The following SHC3 variants were observed in gnomAD, a reference collection of about 807,000 sequenced individuals.
SHC3 encodes the protein SHC adaptor protein 3, also known as SHC-transforming protein 3.
SHC3 carries 15 observed loss-of-function variants against 60.4 expected under a neutral mutation model. That is an observed-to-expected ratio of 0.25 (90% confidence interval 0.17 to 0.38). The LOEUF (loss-of-function observed/expected upper bound fraction) is 0.38. Among genes scored for constraint, SHC3 ranks in the 10% least tolerant of loss-of-function variants. The pLI is 1.00. For missense variants in SHC3, 677 were observed against 786.1 expected, an observed-to-expected ratio of 0.86 and a Z score of 1.66; for synonymous variants, 294 against 325.9, an observed-to-expected ratio of 0.90 and a Z score of 1.05.
intron 1 of SHC3, among the ~76,000 whole-genome samples, chr9:89,123,991 A>G (rs1017253404): frequency 6.6e-6 from 1 of 152,212 alleles, no homozygotes. Context: ...ACTTTAAAAT[A>G]TTTAAGCAAT....
At chr9:89,104,225 T>C (rs912070617) in intron 2 of SHC3, among the ~76,000 whole-genome samples, 4 of 152,106 alleles carry the variant, frequency 2.6e-5, no homozygotes, top group Non-Finnish European at 4.4e-5. Context: ...AGATGGTAGC[T>C]GCAAATGGTT....
intron 11 of SHC3, among the ~76,000 whole-genome samples, chr9:89,021,272 C>T (rs545514386): frequency 6.6e-6 from 1 of 152,294 alleles, no homozygotes; most frequent in Non-Finnish European, 1.5e-5. Context: ...GGGAAAAGCC[C>T]AGGCTACCTT....
At chr9:89,045,443 G>T (rs1013119664) in intron 9 of SHC3, among the ~76,000 whole-genome samples, 1 of 151,992 alleles carries the variant, frequency 6.6e-6, no homozygotes. Context: ...ACCACACCCG[G>T]CAAATTTTTT....
At chr9:89,067,643 G>A (rs2117984633) in intron 5 of SHC3, among the ~76,000 whole-genome samples, 1 of 152,244 alleles carries the variant, frequency 6.6e-6, no homozygotes, top group South Asian at 2.1e-4. Flanking sequence ...AGAAATTAGT[G>A]GAAGAATTGA....
intron 1 of SHC3, among the ~76,000 whole-genome samples, chr9:89,151,960 T>A (rs760794445): frequency 6.6e-6 from 1 of 152,232 alleles, no homozygotes; most frequent in Non-Finnish European, 1.5e-5. Flanking sequence ...GATTCAGTAC[T>A]AAAAGTATTC....
chr9:89,075,072 C>G, intron 4 of SHC3, 37 bp downstream of exon 4: 1 of 1,607,024 alleles, frequency 6.2e-7, no homozygotes, highest in Non-Finnish European at 8.5e-7. Context: ...TCACCTGGGG[C>G]TGTGGGCAGG....
At chr9:89,036,396 G>A (rs1412693755) in intron 11 of SHC3, among the ~76,000 whole-genome samples, 4 of 152,188 alleles carry the variant, frequency 2.6e-5, no homozygotes, top group African/African-American at 9.6e-5. Flanking sequence ...TTGCTGGTGT[G>A]CGCCTTAGTA....
At chr9:89,152,937 C>T (rs1233157048) in intron 1 of SHC3, among the ~76,000 whole-genome samples, 2 of 152,064 alleles carry the variant, frequency 1.3e-5, no homozygotes, top group East Asian at 1.9e-4. Context: ...TTGCCGTAAA[C>T]TAATCAATGG....
intron 2 of SHC3, chr9:89,110,434 A>G (rs1419388039): frequency 2.0e-6 from 2 of 985,108 alleles, no homozygotes; most frequent in East Asian, 1.1e-4. Flanking sequence ...TAGTATATAA[A>G]GTAAACCATG....
chr9:89,042,787 T>C (rs1463362960), intron 9 of SHC3, among the ~76,000 whole-genome samples: 2 of 152,102 alleles, frequency 1.3e-5, no homozygotes, highest in Non-Finnish European at 2.9e-5. Context: ...GCTGCCTCGA[T>C]GTGACTTCAC....
At chr9:89,154,366 C>T (rs1252824914) in intron 1 of SHC3, among the ~76,000 whole-genome samples, 2 of 152,130 alleles carry the variant, frequency 1.3e-5, no homozygotes, top group African/African-American at 2.4e-5. Flanking sequence ...GTCCCAGTAC[C>T]CGCTGTTAAG....
chr9:89,046,737 C>G, intron 8 of SHC3, 107 bp downstream of exon 8: 1 of 1,296,766 alleles, frequency 7.7e-7, no homozygotes. Flanking sequence ...TTTACTGTGT[C>G]AAAAATGAAA....
At chr9:89,071,612 A>G (rs1400937228) in intron 4 of SHC3, among the ~76,000 whole-genome samples, 1 of 152,194 alleles carries the variant, frequency 6.6e-6, no homozygotes, top group South Asian at 2.1e-4. Flanking sequence ...CGTATAGAGC[A>G]CCCTTAACAT....
At chr9:89,114,842 C>A (rs1825999362) in intron 1 of SHC3, among the ~76,000 whole-genome samples, 1 of 152,138 alleles carries the variant, frequency 6.6e-6, no homozygotes, top group South Asian at 2.1e-4. Context: ...AAGACTACCA[C>A]CAGCAGCAAC....
chr9:89,045,937 C>T (rs1007952273), intron 8 of SHC3, 104 bp from the exon 9 acceptor site: 24 of 1,111,872 alleles, frequency 2.2e-5, no homozygotes, highest in South Asian at 5.6e-5. Flanking sequence ...TAAGGTGGTT[C>T]GCATCCTCTG....
At chr9:89,139,273 C>G (rs1156686297) in intron 1 of SHC3, among the ~76,000 whole-genome samples, 26 of 152,146 alleles carry the variant, frequency 1.7e-4, no homozygotes, top group Admixed American at 1.7e-3. Context: ...CAAAAACAAC[C>G]AATGAGACTA....
At chr9:89,165,691 G>A (rs141408453) in intron 1 of SHC3, among the ~76,000 whole-genome samples, 22 of 152,246 alleles carry the variant, frequency 1.4e-4, no homozygotes, top group Middle Eastern at 6.8e-3. Context: ...TCTCAGATTT[G>A]GGGAGAGGAT....
chr9:89,058,987 G>A (rs1265997114), intron 6 of SHC3, among the ~76,000 whole-genome samples: 2 of 151,286 alleles, frequency 1.3e-5, no homozygotes, highest in Non-Finnish European at 2.9e-5. Flanking sequence ...AGGACATGGT[G>A]GAGGACGGTG....
chr9:89,009,457 A>C lies in SHC3; in HGVS notation c.*3990T>G, dbSNP rs1825986542. The stretch of plus-strand genomic sequence containing the variant: ...GAAAGGGATTTATGGACAGCACACA[A>C]AGTTGGGCCAGCGAGAGAGAACCAA... On this transcript the variant is annotated 3_prime_UTR_variant, in exon 12 of 12. Coordinates refer to ENST00000375835, the MANE Select transcript of SHC3 (RefSeq NM_016848.6). 1 of 152,200 alleles carries C rather than the reference A, an allele frequency of 6.6e-6. No homozygotes were observed. The highest frequency in any genetic ancestry group is 2.4e-5 in the African/African-American group (1 of 41,448). The allele number at this position is 152,200 out of a possible 1,614,324, so 9.4% of individuals were successfully genotyped here.
Sources: allele counts gnomAD v4.1 joint callset (sites outside exome capture counted in the v4.1 genomes callset), GRCh38; gene constraint gnomAD v4.1.1; transcripts MANE v1.5; gene names NCBI Gene and HGNC (gene_info 2026-07-23, HGNC 2026-07-21).